The following SIRPB2 variants were observed in gnomAD, a reference collection of about 807,000 sequenced individuals.
The protein encoded by SIRPB2 is signal regulatory protein beta 2, also known as signal-regulatory protein beta-2.
Under a neutral mutation model 27.1 loss-of-function variants are expected in SIRPB2, and 18 were observed. The observed-to-expected ratio is 0.66, with a 90% CI of 0.46 to 0.98. SIRPB2 has a LOEUF of 0.98. SIRPB2 is among the 50% of genes least tolerant of loss of function. The pLI is 0.00. For missense variants in SIRPB2, 420 were observed against 417.4 expected (o/e 1.01, Z -0.06); for synonymous variants, 150 against 164.6 (o/e 0.91, Z 0.68).
At chr20:1,489,496 G>A (rs1407307471) in intron 1 of SIRPB2, among the ~76,000 whole-genome samples, 1 of 152,186 alleles carries the variant, frequency 6.6e-6, no homozygotes, top group Admixed American at 6.5e-5. Flanking sequence ...GTCTGGGGAA[G>A]TGAACACCAG....
chr20:1,482,575 TTCCCTCCC>T (rs150565205), intron 1 of SIRPB2, among the ~76,000 whole-genome samples: 3 of 148,152 alleles, frequency 2.0e-5, no homozygotes, highest in Admixed American at 1.3e-4. Flanking sequence ...CTCTTTCTCC[TTCCCTCCC>T]TCCCTCCCTC....
chr20:1,476,418 G>T (rs2123005566), intron 4 of SIRPB2, 82 bp from the exon 5 acceptor site: 2 of 1,359,698 alleles, frequency 1.5e-6, no homozygotes, highest in East Asian at 2.4e-5. Flanking sequence ...CATGGGCAAG[G>T]TCACATCCTG....
chr20:1,477,977 G>A, intron 3 of SIRPB2: 1 of 546,550 alleles, frequency 1.8e-6, no homozygotes, highest in Non-Finnish European at 3.5e-6. Context: ...CCTGGCCAAT[G>A]TTTGTTGAAT....
rs2090602691 is a variant in SIRPB2, at chr20:1,475,998, C to G, written c.*169G>C. 12 of 684,684 alleles carry G rather than the reference C, an allele frequency of 1.8e-5. No individual in the cohort carries two copies. The South Asian group carries it at 2.3e-4, about 13-fold the overall frequency. 42.4% of individuals were successfully genotyped at this position (684,684 alleles called of 1,614,324 possible). A position where few individuals can be genotyped will look rare whatever the true frequency, so the allele number is the denominator to read the frequency against. On this transcript the variant is annotated 3_prime_UTR_variant, in exon 5 of 5. Coordinates refer to ENST00000359801, the MANE Select transcript of SIRPB2 (RefSeq NM_001122962.2). ...AAAGGGAGACATTTTAGAGGGAAGCCCGGTGCAAAGAAGGGAATTTCACTA... is the reference window on the plus strand; with the variant it reads ...AAAGGGAGACATTTTAGAGGGAAGCGCGGTGCAAAGAAGGGAATTTCACTA...
intron 1 of SIRPB2, among the ~76,000 whole-genome samples, chr20:1,485,380 C>T (rs1356260222): frequency 6.6e-6 from 1 of 151,248 alleles, no homozygotes; most frequent in African/African-American, 2.4e-5. Context: ...TGTTATGTAT[C>T]GATTAAAAAA....
rs1347356840 is a variant in SIRPB2 at position 1,479,714 on chromosome 20, G to A, written c.437C>T (p.Ser146Leu). The A allele has an allele frequency of 1.2e-6, 2 of 1,614,092 alleles. No homozygotes were observed. Among genetic ancestry groups the A allele is most frequent in the South Asian group, 2.2e-5 (2 of 91,068 alleles). The change falls in exon 2 of 5, where the codon TCA (serine) becomes TTA (leucine). Residue 146 changes from serine to leucine, a missense_variant. Ser to Leu is a moderately radical substitution (Grantham distance 145). Transcript: ENST00000359801. The part of the protein sequence containing the change: ...HSEMKSDEGT[S>L]VLVKGAGDPE... ...CTGATCCTTACCCTTCACAAGCACTGAGGTGCCTTCATCCGATTTCATTTC... is the reference window on the plus strand; with the variant it reads ...CTGATCCTTACCCTTCACAAGCACTAAGGTGCCTTCATCCGATTTCATTTC...
chr20:1,479,762 A>T lies in SIRPB2; in HGVS notation c.389T>A (p.Phe130Tyr). 6.2e-7 allele frequency: 1 copy of T among 1,614,218 alleles called. No homozygotes were observed. Among genetic ancestry groups the T allele is most frequent in the Non-Finnish European group, 8.5e-7 (1 of 1,180,032 alleles). ...TTCTGAGTGTTCACTCAAACCATCA[A>T]ACCTCACACAGTGGTAGGTTCCAGT... ...EHTGTYHCVR[F>Y]DGLSEHSEMK... The change falls in exon 2 of 5, where the codon TTT becomes TAT. Residue 130 changes from phenylalanine (F) to tyrosine (Y), a missense_variant. By Grantham distance (22) the Phe-to-Tyr change is conservative. Coordinates refer to ENST00000359801, the MANE Select transcript of SIRPB2 (RefSeq NM_001122962.2).
chr20:1,480,462 G>C (rs1226484511), intron 1 of SIRPB2: 1 of 190,374 alleles, frequency 5.3e-6, no homozygotes, highest in Admixed American at 5.3e-5. Context: ...ACATGTTGAT[G>C]TCCTAACCTC....
At chr20:1,476,576 A>C (rs2123006035) in intron 4 of SIRPB2, 1 of 430,416 alleles carries the variant, frequency 2.3e-6, no homozygotes, top group Non-Finnish European at 3.1e-6. Flanking sequence ...AACCTCTGCT[A>C]TTCCTAATTG....
chr20:1,491,322 T>A lies in SIRPB2; in HGVS notation c.38A>T (p.His13Leu), dbSNP rs745389156. ...CAGCAGCAGGAAGCAGGGAGGCAAG[T>A]GGGCCAGGCAGGTGGGGGCCGACAT... ...STMSAPTCLA[H>L]LPPCFLLLAL... The change falls in exon 1 of 5, where the codon CAC becomes CTC. Residue 13 changes from histidine (H) to leucine (L), a missense_variant. By Grantham distance (99) the His-to-Leu change is moderately conservative (BLOSUM62 -3). Coordinates refer to ENST00000359801, the MANE Select transcript of SIRPB2 (RefSeq NM_001122962.2). 4 of 1,611,168 alleles carry A rather than the reference T, an allele frequency of 2.5e-6. No individual in the cohort carries two copies. Among genetic ancestry groups the A allele is most frequent in the Non-Finnish European group, 3.4e-6 (4 of 1,178,992 alleles).
At chr20:1,474,115 A>G (rs769852356), downstream of SIRPB2, among the ~76,000 whole-genome samples, 39 of 152,202 alleles carry the variant, frequency 2.6e-4, no homozygotes, top group Admixed American at 6.5e-4. Flanking sequence ...CTCTCTTGTA[A>G]GGATACTTAA....
At chr20:1,487,780 A>G (rs147039633) in intron 1 of SIRPB2, among the ~76,000 whole-genome samples, 1 of 152,354 alleles carries the variant, frequency 6.6e-6, no homozygotes, top group African/African-American at 2.4e-5. Context: ...GTACAGGTGC[A>G]TGCCATGGCT....
intron 1 of SIRPB2, among the ~76,000 whole-genome samples, chr20:1,489,315 T>A (rs6079336): frequency 0.16 from 24,089 of 152,222 alleles, 3,118 homozygotes; most frequent in East Asian, 0.74. Context: ...AAAAAACTTA[T>A]CAAATTGTGT....
chr20:1,476,174 T>C lies in SIRPB2; in HGVS notation c.1022A>G (p.Gln341Arg). The change falls in exon 5 of 5, where the codon CAA (glutamine) becomes CGA (arginine). Residue 341 changes from glutamine to arginine, a missense_variant. By Grantham distance (43) the Gln-to-Arg change is conservative (BLOSUM62 1). Transcript: ENST00000359801. ...AMNTLAWSKGQE is the reference protein window; with the variant it reads ...AMNTLAWSKGRE ...CACTCTGGGGCTGACCCCTCACTCT[T>C]GACCCTTGCTCCATGCTAAGGTGTT... is the stretch of plus-strand genomic sequence containing the variant. 1.9e-6 allele frequency: 3 copies of C among 1,613,700 alleles called. No homozygotes were observed. Among genetic ancestry groups the C allele is most frequent in the Non-Finnish European group, 2.5e-6 (3 of 1,179,862 alleles).
At chr20:1,477,963 G>A (rs759857813) in intron 3 of SIRPB2, 7 of 513,222 alleles carry the variant, frequency 1.4e-5, no homozygotes, top group Non-Finnish European at 7.5e-6. Flanking sequence ...AGTGAACTAC[G>A]GTGCCTGGCC....
At chr20:1,473,129 T>C (rs1480359421), downstream of SIRPB2, 1 of 152,242 alleles carries the variant, frequency 6.6e-6, no homozygotes, top group African/African-American at 2.4e-5. Context: ...TAGGGTTACT[T>C]GCTCATTGTC....
Position 1,480,019 on chromosome 20 carries a change from G to A in SIRPB2, c.132C>T (p.Pro44=), listed in dbSNP as rs376849298. The A allele has an allele frequency of 1.4e-5, 23 of 1,613,670 alleles. No homozygotes were observed. Among genetic ancestry groups the A allele is most frequent in the East Asian group, 2.2e-5 (1 of 44,896 alleles). ...CTTCTGCCACCAGCATGGGGCCCTC[G>A]GGCTGTAGCACCTGCCAGTCATTCC... is the stretch of plus-strand genomic sequence containing the variant. The part of the protein sequence containing the change: ...SSRNDWQVLQ[P]EGPMLVAEGE... The change falls in exon 2 of 5, where the codon CCC becomes CCT. Residue 44 remains proline, a synonymous_variant. Coordinates refer to ENST00000359801, the MANE Select transcript of SIRPB2 (RefSeq NM_001122962.2).
In SIRPB2 at chr20:1,475,574, GTC is replaced by G. The variant is rs2090599470; in HGVS notation, c.*591_*592del. The G allele has an allele frequency of 6.6e-6, 1 of 152,402 alleles. No homozygotes were observed. The highest frequency in any genetic ancestry group is 1.5e-5 in the Non-Finnish European group (1 of 68,216). 9.4% of individuals were successfully genotyped at this position (152,402 alleles called of 1,614,324 possible). The stretch of plus-strand genomic sequence containing the variant: ...GAATCCTGGGTCTCAATACCAGGGA[GTC>G]TCTGTATTGCTTGGCCTGCTGATGG... On this transcript the variant is annotated 3_prime_UTR_variant, in exon 5 of 5. Transcript: ENST00000359801.
downstream of SIRPB2, among the ~76,000 whole-genome samples, chr20:1,474,388 G>C (rs2090591891): frequency 6.6e-6 from 1 of 152,142 alleles, no homozygotes; most frequent in African/African-American, 2.4e-5. Context: ...AATTACTGTT[G>C]TCGCTGGCTT....
Sources: allele counts gnomAD v4.1 joint callset (sites outside exome capture counted in the v4.1 genomes callset), GRCh38; gene constraint gnomAD v4.1.1; transcripts MANE v1.5; gene names NCBI Gene and HGNC (gene_info 2026-07-23, HGNC 2026-07-21).